Variants in PRKN observed in about 807,000 individuals in gnomAD.
PRKN encodes the protein parkin RBR E3 ubiquitin protein ligase.
A neutral mutation model predicts 59.5 loss-of-function variants in PRKN; 56 were observed. That is an observed-to-expected ratio of 0.94 (90% CI 0.76 to 1.18). PRKN has a LOEUF of 1.18. Ranked by LOEUF, PRKN falls within the 50% of genes most tolerant of loss-of-function variation. The probability of loss-of-function intolerance (pLI) is 0.00; values close to 1 mark genes in which losing one functional copy is unlikely to be tolerated. For missense variants in PRKN, 657 were observed against 596.4 expected, an observed-to-expected ratio of 1.10 and a Z score of -1.06; for synonymous variants, 250 against 222.1, an observed-to-expected ratio of 1.13 and a Z score of -1.12.
chr6:161,798,229 A>AACCAG (rs1790933272), intron 6 of PRKN, among the ~76,000 whole-genome samples: 1 of 152,130 alleles, frequency 6.6e-6, no homozygotes, highest in South Asian at 2.1e-4. Context: ...AACCAAACCA[A>AACCAG]ACAAACAAAA....
chr6:162,107,187 G>A (rs1046716957), intron 4 of PRKN, among the ~76,000 whole-genome samples: 7 of 152,154 alleles, frequency 4.6e-5, no homozygotes, highest in East Asian at 1.9e-4. Flanking sequence ...GTTGAAGGCC[G>A]GGCTCAATGG....
At position 162,320,460 on chromosome 6, in the gene PRKN, CA is replaced by C. The variant is rs199503719; in HGVS notation, c.172-57696del. On this transcript the variant is annotated intron_variant, in intron 2 of 11. Coordinates refer to ENST00000366898, the MANE Select transcript of PRKN (RefSeq NM_004562.3). ...CCCACAAAATTTCAAGATACTTCAC[CA>C]AAAAAAAAAATATATGAAAAGCAAA... is the stretch of plus-strand genomic sequence containing the variant. Among the ~76,000 whole-genome samples, 969 of 111,516 alleles carry C rather than the reference CA, an allele frequency of 8.7e-3. 7 individuals carry two copies. Among genetic ancestry groups the C allele is most frequent in the Non-Finnish European group, 0.011 (615 of 53,806 alleles). The allele number at this position is 111,516 out of a possible 152,430, so 73.2% of individuals were successfully genotyped here. A position where few individuals can be genotyped will look rare whatever the true frequency, so the allele number is the denominator to read the frequency against.
At chr6:161,806,854 G>C (rs377379664) in intron 6 of PRKN, among the ~76,000 whole-genome samples, 4 of 152,294 alleles carry the variant, frequency 2.6e-5, no homozygotes, top group East Asian at 3.9e-4. Context: ...ATATTAAGCT[G>C]TAAAGAGAGT....
At chr6:161,831,436 T>C (rs1792495155) in intron 6 of PRKN, among the ~76,000 whole-genome samples, 1 of 152,144 alleles carries the variant, frequency 6.6e-6, no homozygotes, top group African/African-American at 2.4e-5. Context: ...AGAAACAGCA[T>C]TGTCTTGTGT....
At chr6:161,732,659 T>C (rs1435781747) in intron 7 of PRKN, among the ~76,000 whole-genome samples, 3 of 152,230 alleles carry the variant, frequency 2.0e-5, no homozygotes, top group Admixed American at 2.0e-4. Flanking sequence ...TGGTTTTCTG[T>C]TGCTGTGTTA....
intron 3 of PRKN, among the ~76,000 whole-genome samples, chr6:162,248,129 A>G (rs1176224119): frequency 2.0e-5 from 3 of 152,090 alleles, no homozygotes; most frequent in Admixed American, 6.6e-5. Context: ...ACTACAGAAG[A>G]GCTATGGAAT....
chr6:161,384,215 T>C (rs184208548), intron 10 of PRKN, among the ~76,000 whole-genome samples: 2 of 152,338 alleles, frequency 1.3e-5, no homozygotes, highest in Admixed American at 1.3e-4. Context: ...CCTAGAACCA[T>C]GCCTAACATA....
chr6:161,409,647 T>A lies in PRKN; in HGVS notation c.1084-22770A>T, dbSNP rs1787433877. On this transcript the variant is annotated intron_variant, in intron 9 of 11. Coordinates refer to ENST00000366898, the MANE Select transcript of PRKN (RefSeq NM_004562.3). This position sits in a 1 kb window ranked among gnomAD's most constrained non-coding sequence, Gnocchi z 4.6. ...GAAAGCAAGCCCAACCTTGGTGTGA[T>A]GTTTTGCAATAAACAGCAATCCATG... Among the ~76,000 whole-genome samples, 1 of 152,204 alleles carries A rather than the reference T, an allele frequency of 6.6e-6. No homozygotes were observed. Among genetic ancestry groups the A allele is most frequent in the South Asian group, 2.1e-4 (1 of 4,836 alleles).
At position 161,446,824 on chromosome 6, in the gene PRKN, T is replaced by C. The variant is rs947201903; in HGVS notation, c.1084-59947A>G. On this transcript the variant is annotated intron_variant, in intron 9 of 11. Transcript: ENST00000366898. This position sits in a 1 kb window ranked among gnomAD's most constrained non-coding sequence, Gnocchi z 6.2. ...AGACAGCTCTTTGGATTTCTTTAAA[T>C]TGCCATTTAATTCCATCCATCAACC... 6.6e-6 allele frequency among the ~76,000 whole-genome samples: 1 copy of C among 152,168 alleles called. No individual in the cohort carries two copies. Among genetic ancestry groups the C allele is most frequent in the Admixed American group, 6.5e-5 (1 of 15,290 alleles).
chr6:162,198,128 G>C (rs1223611819), intron 4 of PRKN, among the ~76,000 whole-genome samples: 1 of 152,204 alleles, frequency 6.6e-6, no homozygotes, highest in African/African-American at 2.4e-5. Context: ...AAGGGTCAAT[G>C]ATATGCAGAG....
intron 1 of PRKN, among the ~76,000 whole-genome samples, chr6:162,545,701 T>C (rs1779091081): frequency 6.6e-6 from 1 of 152,194 alleles, no homozygotes; most frequent in African/African-American, 2.4e-5. Flanking sequence ...GACACTAAAA[T>C]AATTAAGTTT....
At chr6:162,425,875 G>C (rs532362776) in intron 2 of PRKN, among the ~76,000 whole-genome samples, 1 of 152,330 alleles carries the variant, frequency 6.6e-6, no homozygotes, top group African/African-American at 2.4e-5. Flanking sequence ...TTCTCATACA[G>C]GAATCACAGT....
chr6:161,492,644 A>T (rs1375978944), intron 9 of PRKN, among the ~76,000 whole-genome samples: 1 of 152,260 alleles, frequency 6.6e-6, no homozygotes, highest in Non-Finnish European at 1.5e-5. Context: ...TTTTGAAAAT[A>T]CGGTGGGTGA....
rs533028538 is a variant in PRKN at position 161,451,675 on chromosome 6, C to T, written c.1084-64798G>A. ...CAGTCAACAGTGGTTTTGTACAATG[C>T]GGATAAATATTAGAAAGGCCATCCA... On this transcript the variant is annotated intron_variant, in intron 9 of 11. Transcript: ENST00000366898. This position sits in a 1 kb window ranked among gnomAD's most constrained non-coding sequence, Gnocchi z 5.9. Among the ~76,000 whole-genome samples the T allele has an allele frequency of 2.6e-5, 4 of 152,270 alleles. No homozygotes were observed. The highest frequency in any genetic ancestry group is 1.9e-4 in the East Asian group (1 of 5,174).
chr6:162,565,836 AAC>A (rs1780052397), intron 1 of PRKN, among the ~76,000 whole-genome samples: 1 of 152,192 alleles, frequency 6.6e-6, no homozygotes, highest in Admixed American at 6.5e-5. Flanking sequence ...GCCTACAAGA[AAC>A]ACACTTCACT....
intron 7 of PRKN, among the ~76,000 whole-genome samples, chr6:161,751,372 C>A (rs770200257): frequency 3.9e-5 from 6 of 152,198 alleles, no homozygotes; most frequent in Non-Finnish European, 5.9e-5. Context: ...TTGGTACACT[C>A]AGCGCCTATC....
intron 2 of PRKN, chr6:162,270,240 T>G (rs1054339622): frequency 3.9e-5 from 6 of 152,210 alleles, no homozygotes; most frequent in African/African-American, 1.2e-4. Context: ...TGGAGACTAT[T>G]ATTCTAAGTG....
At chr6:161,638,174 C>T (rs1783598735) in intron 7 of PRKN, among the ~76,000 whole-genome samples, 1 of 152,002 alleles carries the variant, frequency 6.6e-6, no homozygotes, top group Non-Finnish European at 1.5e-5. Flanking sequence ...TCTCTTTTGC[C>T]CAGGCTGGAG....
chr6:162,220,959 T>C lies in PRKN; in HGVS notation c.413-19707A>G, dbSNP rs531733654. ...TTGAGCTAAATTATCCTGCATGGCT[T>C]TGGCCAGCTATCCCATTCTCTGGTG... On this transcript the variant is annotated intron_variant, in intron 3 of 11. Coordinates refer to ENST00000366898, the MANE Select transcript of PRKN (RefSeq NM_004562.3). 1.1e-4 allele frequency among the ~76,000 whole-genome samples: 17 copies of C among 152,310 alleles called. No individual in the cohort carries two copies. In the South Asian group the frequency reaches 3.5e-3, roughly 32 times the overall value.
Sources: allele counts gnomAD v4.1 joint callset (sites outside exome capture counted in the v4.1 genomes callset), GRCh38; gene constraint gnomAD v4.1.1; non-coding constraint Gnocchi (gnomAD v3.1); transcripts MANE v1.5; gene names NCBI Gene and HGNC (gene_info 2026-07-23, HGNC 2026-07-21).